RPS6KA2: variants seen among roughly 807,000 people sequenced by gnomAD.
RPS6KA2 encodes the protein ribosomal protein S6 kinase alpha-2.
Under a neutral mutation model 91.8 loss-of-function variants are expected in RPS6KA2, and 42 were observed. That is an observed-to-expected ratio of 0.46 (90% CI 0.36 to 0.59). RPS6KA2 has a LOEUF of 0.59. Ranked by LOEUF, RPS6KA2 falls within the 20% of genes least tolerant of loss-of-function variation. RPS6KA2 has a pLI of 0.00. For synonymous variants in RPS6KA2, 414 were observed against 393.6 expected (o/e 1.05, Z -0.61); for missense variants, 798 against 978.5 (o/e 0.82, Z 2.46).
chr6:166,497,777 C>T lies in RPS6KA2; in HGVS notation c.747+731G>A, dbSNP rs193202663. Among the ~76,000 whole-genome samples the T allele has an allele frequency of 1.5e-4, 23 of 152,350 alleles. No individual in the cohort carries two copies. In the East Asian group the frequency reaches 3.9e-3, roughly 26 times the overall value. On this transcript the variant is annotated intron_variant, in intron 8 of 20. Transcript: ENST00000265678. ...GGCACACAGTTCTGCCACACGCCAG[C>T]GGAGCAACCTTCATCCCGTCTCCTA...
At position 166,432,452 on chromosome 6, in the gene RPS6KA2, A is replaced by G. The variant is rs2128446289; in HGVS notation, c.1371T>C (p.Ile457=). 1 of 1,613,734 alleles carries G rather than the reference A, an allele frequency of 6.2e-7. No homozygotes were observed. The highest frequency in any genetic ancestry group is 8.5e-7 in the Non-Finnish European group (1 of 1,179,682). The part of the protein sequence containing the change: ...DKSKRDPSEE[I]EILLRYGQHP... ...GCTGGCCGTACCGCAGGAGGATCTC[A>G]ATCTCTTCCGAGGGGTCTCTCTTGC... Residue 457 remains isoleucine, a synonymous_variant, in exon 15 of 21, where the codon ATT becomes ATC. Transcript: ENST00000265678.
At chr6:166,567,094 G>C (rs918109132) in intron 1 of RPS6KA2, among the ~76,000 whole-genome samples, 7 of 152,224 alleles carry the variant, frequency 4.6e-5, no homozygotes, top group Non-Finnish European at 8.8e-5. Flanking sequence ...GAGCCACTGA[G>C]GTAACCCAGG....
chr6:166,425,287 G>A (rs1005354078), intron 16 of RPS6KA2, among the ~76,000 whole-genome samples: 1 of 150,344 alleles, frequency 6.7e-6, no homozygotes, highest in African/African-American at 2.5e-5. Flanking sequence ...CTCTTTTAGG[G>A]CTCCTGAAGG....
chr6:166,416,021 G>C (rs754639175), intron 19 of RPS6KA2, among the ~76,000 whole-genome samples: 73 of 2,468 alleles, frequency 0.03, no homozygotes, highest in East Asian at 0.058. Context: ...CCACCATTAC[G>C]CTCACCATCA....
chr6:166,528,423 A>G (rs1783141105), intron 3 of RPS6KA2, among the ~76,000 whole-genome samples: 1 of 151,904 alleles, frequency 6.6e-6, no homozygotes, highest in Non-Finnish European at 1.5e-5. Context: ...TTAATTCAAG[A>G]TGGATTAAAG....
rs1009522298 is a variant in RPS6KA2, at chr6:166,423,134, C to G, written c.1743+122G>C. On this transcript the variant is annotated intron_variant, in intron 17 of 20. Coordinates refer to ENST00000265678, the MANE Select transcript of RPS6KA2 (RefSeq NM_021135.6). The surrounding 1 kb of genome is among the most constrained non-coding windows in gnomAD (Gnocchi z 4.8). ...GGTTCTCGTTTCTGTTTCCCAACAC[C>G]ACTGCTGACGCAGCTCAAGCCGCCT... 5 of 972,462 alleles carry G rather than the reference C, an allele frequency of 5.1e-6. No individual in the cohort carries two copies. The highest frequency in any genetic ancestry group is 7.5e-6 in the Non-Finnish European group (5 of 669,904). The allele number at this position is 972,462 out of a possible 1,614,324, so 60.2% of individuals were successfully genotyped here.
At chr6:166,497,423 C>CT (rs1429070492) in intron 8 of RPS6KA2, among the ~76,000 whole-genome samples, 1 of 152,222 alleles carries the variant, frequency 6.6e-6, no homozygotes, top group East Asian at 1.9e-4. Flanking sequence ...ATGTGGGCAT[C>CT]TCCGACTGCG....
intron 2 of RPS6KA2, among the ~76,000 whole-genome samples, chr6:166,658,686 T>C (rs189101146): frequency 1.3e-5 from 2 of 151,936 alleles, no homozygotes; most frequent in East Asian, 1.9e-4. Context: ...GGGATGGGAG[T>C]GCCAGGGTTC....
intron 1 of RPS6KA2, among the ~76,000 whole-genome samples, chr6:166,564,710 C>G (rs115689594): frequency 6.6e-6 from 1 of 152,160 alleles, no homozygotes; most frequent in Admixed American, 6.5e-5. Context: ...TCCAAATACA[C>G]AAATAACGCA....
chr6:166,607,381 C>T (rs1785991436), intron 1 of RPS6KA2, among the ~76,000 whole-genome samples: 1 of 151,036 alleles, frequency 6.6e-6, no homozygotes, highest in Non-Finnish European at 1.5e-5. Context: ...GTAGGGACAA[C>T]CCAAATGTCT....
At chr6:166,720,290 T>A (rs529182788) in intron 2 of RPS6KA2, among the ~76,000 whole-genome samples, 2 of 152,324 alleles carry the variant, frequency 1.3e-5, no homozygotes, top group South Asian at 4.1e-4. Context: ...TATAAACTCA[T>A]AAGTTGGGAA....
chr6:166,690,810 T>C lies in RPS6KA2; in HGVS notation c.124-152026A>G, dbSNP rs561869205. ...AACACTGCCCCTGCACTGTGGCAAG[T>C]CTTAGAATTCTCATTTTTTCTCAGG... On this transcript the variant is annotated intron_variant, in intron 2 of 21. Coordinates refer to the RPS6KA2 transcript ENST00000503859. 2.8e-4 allele frequency among the ~76,000 whole-genome samples: 42 copies of C among 152,228 alleles called. No individual in the cohort carries two copies. The East Asian group carries it at 4.3e-3, about 15-fold the overall frequency.
intron 3 of RPS6KA2, among the ~76,000 whole-genome samples, chr6:166,530,167 T>G (rs1188980171): frequency 6.6e-6 from 1 of 152,198 alleles, no homozygotes; most frequent in African/African-American, 2.4e-5. Context: ...TTGCAAGACC[T>G]AAAAATTCAA....
At position 166,820,960 on chromosome 6, in the gene RPS6KA2, A is replaced by G. The variant is rs555898784; in HGVS notation, c.123+37240T>C. 1.4e-4 allele frequency among the ~76,000 whole-genome samples: 22 copies of G among 152,348 alleles called. 1 individual carries two copies. The South Asian group carries it at 4.6e-3, about 32-fold the overall frequency. Reference sequence around the variant, plus strand: ...TCGCTGCAAGTAAAAATTAACAAGTATCTCTCACAGATGAATTTTTAAACA... The same window carrying G: ...TCGCTGCAAGTAAAAATTAACAAGTGTCTCTCACAGATGAATTTTTAAACA... On this transcript the variant is annotated intron_variant, in intron 2 of 21. Transcript: ENST00000503859.
At chr6:166,564,904 C>T (rs929947976) in intron 1 of RPS6KA2, among the ~76,000 whole-genome samples, 7 of 152,144 alleles carry the variant, frequency 4.6e-5, no homozygotes, top group Admixed American at 1.3e-4. Flanking sequence ...CGGGCAGGAG[C>T]TTTAGGACAT....
intron 14 of RPS6KA2, among the ~76,000 whole-genome samples, chr6:166,444,546 G>T (rs1249565326): frequency 2.0e-5 from 3 of 152,254 alleles, no homozygotes; most frequent in Non-Finnish European, 2.9e-5. Flanking sequence ...GAACATAATA[G>T]CTTTTCTCAT....
intron 1 of RPS6KA2, among the ~76,000 whole-genome samples, chr6:166,556,166 C>T (rs1784172141): frequency 1.3e-5 from 2 of 152,180 alleles, no homozygotes; most frequent in Non-Finnish European, 2.9e-5. Context: ...TCTGCAAAGT[C>T]CTGGATGGGC....
chr6:166,517,720 C>A (rs1782708024), intron 3 of RPS6KA2, among the ~76,000 whole-genome samples: 1 of 151,878 alleles, frequency 6.6e-6, no homozygotes, highest in Non-Finnish European at 1.5e-5. Context: ...CATGATCCAC[C>A]CGCCTCGGCC....
At chr6:166,439,987 C>T (rs1356053849) in intron 14 of RPS6KA2, 1 of 152,288 alleles carries the variant, frequency 6.6e-6, no homozygotes, top group Non-Finnish European at 1.5e-5. Context: ...AGCCTGGCCA[C>T]CATCTGCTGT....
Sources: allele counts gnomAD v4.1 joint callset (sites outside exome capture counted in the v4.1 genomes callset), GRCh38; gene constraint gnomAD v4.1.1; non-coding constraint Gnocchi (gnomAD v3.1); transcripts MANE v1.5; gene names NCBI Gene and HGNC (gene_info 2026-07-23, HGNC 2026-07-21).